The following IRAG1 variants were observed in gnomAD, a reference collection of about 807,000 sequenced individuals.
IRAG1 encodes inositol 1,4,5-triphosphate receptor associated 1, also known as IP3R-associated cGMP kinase substrate.
Under a neutral mutation model 106.2 loss-of-function variants are expected in IRAG1, and 62 were observed. The ratio of observed to expected loss-of-function variants is 0.58; its 90% CI spans 0.48 to 0.72. The LOEUF (loss-of-function observed/expected upper bound fraction) is 0.72, where lower values mean the gene tolerates loss of function less well. IRAG1 is among the 30% of genes least tolerant of loss of function. The pLI, the probability that IRAG1 is intolerant of heterozygous loss-of-function variation, is 0.00. For missense variants in IRAG1, 1,064 were observed against 1,140.7 expected (o/e 0.93, Z 0.97); for synonymous variants, 462 against 443.9 (o/e 1.04, Z -0.51).
At chr11:10,669,420 G>A (rs1860041694) in intron 1 of IRAG1, among the ~76,000 whole-genome samples, 1 of 152,212 alleles carries the variant, frequency 6.6e-6, no homozygotes. Context: ...ACAGTGGCCT[G>A]GCAACAGGCA....
chr11:10,589,240 GA>G (rs1301441285), intron 18 of IRAG1: 1 of 152,130 alleles, frequency 6.6e-6, no homozygotes, highest in Non-Finnish European at 1.5e-5. Context: ...ACACAAAGCT[GA>G]ATACAACAGT....
intron 18 of IRAG1, among the ~76,000 whole-genome samples, chr11:10,582,611 G>A (rs955669283): frequency 2.0e-5 from 3 of 152,226 alleles, no homozygotes; most frequent in Non-Finnish European, 4.4e-5. Flanking sequence ...CCTCTCTGAG[G>A]TGCTGAAGTT....
At chr11:10,623,511 C>T (rs954324402) in intron 10 of IRAG1, among the ~76,000 whole-genome samples, 1 of 152,154 alleles carries the variant, frequency 6.6e-6, no homozygotes, top group African/African-American at 2.4e-5. Context: ...AAGGAAGTGT[C>T]AAAAGTTCAG....
chr11:10,662,552 C>A (rs1564933755), intron 1 of IRAG1, among the ~76,000 whole-genome samples: 1 of 152,232 alleles, frequency 6.6e-6, no homozygotes, highest in African/African-American at 2.4e-5. Flanking sequence ...CTAGCTTTAA[C>A]CTAAGCCTAA....
chr11:10,598,578 A>C (rs770229481), intron 15 of IRAG1, among the ~76,000 whole-genome samples: 1 of 152,224 alleles, frequency 6.6e-6, no homozygotes, highest in Non-Finnish European at 1.5e-5. Flanking sequence ...ACAATAAGAC[A>C]AGACACAATT....
At position 10,652,060 on chromosome 11, in the gene IRAG1, CG is replaced by C; in HGVS notation, c.189del (p.Gly64GlufsTer29). 1 of 1,591,692 alleles carries C rather than the reference CG, an allele frequency of 6.3e-7. No homozygotes were observed. The highest frequency in any genetic ancestry group is 8.5e-7 in the Non-Finnish European group (1 of 1,170,004). ...MPHIPEDEEP[P>X]GEPQAAQSPA... The stretch of plus-strand genomic sequence containing the variant: ...GGGCTCTGGGCTGCCTGTGGCTCTC[CG>C]GGGGGCTCCTCGTCCTCGGGAATGT... On this transcript the variant is annotated frameshift_variant, in exon 2 of 21. Coordinates refer to ENST00000423302, the MANE Select transcript of IRAG1 (RefSeq NM_130385.4). LOFTEE classifies it high-confidence loss of function.
At chr11:10,654,532 C>T (rs971004135) in intron 1 of IRAG1, among the ~76,000 whole-genome samples, 1 of 152,150 alleles carries the variant, frequency 6.6e-6, no homozygotes, top group Admixed American at 6.5e-5. Flanking sequence ...TCTTTCACTG[C>T]CAAAATTTTA....
Position 10,633,983 on chromosome 11 carries a change from T to C in IRAG1, c.314A>G (p.Lys105Arg), listed in dbSNP as rs1299802924. The change falls in exon 3 of 21, where the codon AAA becomes AGA. Residue 105 changes from lysine (K) to arginine (R), a missense_variant. Physicochemically the swap from Lys to Arg is conservative, Grantham distance 26. Transcript: ENST00000423302. ...GCACCTGTACCTGTTGGCCAGGTTT[T>C]TGTCGGTTTCTCCTTCTGGTGAAGT... ...DATSPEGETD[K>R]NLANRVHSPH... 32 of 1,611,640 alleles carry C rather than the reference T, an allele frequency of 2.0e-5. No homozygotes were observed. The highest frequency in any genetic ancestry group is 2.6e-5 in the Non-Finnish European group (31 of 1,178,464).
At chr11:10,672,293 A>G (rs1860297099) in intron 1 of IRAG1, among the ~76,000 whole-genome samples, 1 of 152,242 alleles carries the variant, frequency 6.6e-6, no homozygotes, top group African/African-American at 2.4e-5. Flanking sequence ...ATGCCTTCTT[A>G]GATACAACAC....
chr11:10,595,276 C>G (rs759008160), intron 15 of IRAG1, among the ~76,000 whole-genome samples: 1 of 152,092 alleles, frequency 6.6e-6, no homozygotes, highest in Non-Finnish European at 1.5e-5. Context: ...TAGATTTATA[C>G]TAGTTATAGT....
At chr11:10,641,334 C>T (rs1035393637) in intron 2 of IRAG1, among the ~76,000 whole-genome samples, 1 of 152,204 alleles carries the variant, frequency 6.6e-6, no homozygotes, top group Non-Finnish European at 1.5e-5. Flanking sequence ...GATGGTTGCT[C>T]TTAGTTCTGG....
intron 1 of IRAG1, among the ~76,000 whole-genome samples, chr11:10,679,313 C>T (rs1372754421): frequency 1.3e-5 from 2 of 151,588 alleles, no homozygotes; most frequent in African/African-American, 4.8e-5. Context: ...ACACTTTCAT[C>T]ATCCCAAATG....
At chr11:10,674,400 G>A (rs373853876) in intron 1 of IRAG1, among the ~76,000 whole-genome samples, 92 of 152,230 alleles carry the variant, frequency 6.0e-4, no homozygotes, top group African/African-American at 2.1e-3. Context: ...GGCACAAATG[G>A]GGGTGACACC....
chr11:10,576,632 A>G, intron 20 of IRAG1, 57 bp from the exon 21 acceptor site: 2 of 1,597,100 alleles, frequency 1.3e-6, no homozygotes, highest in Non-Finnish European at 1.7e-6. Context: ...CATATGATAC[A>G]CAGACCCACA....
At position 10,626,171 on chromosome 11, in the gene IRAG1, G is replaced by A. The variant is rs368554401; in HGVS notation, c.1163C>T (p.Pro388Leu). The change falls in exon 9 of 21, where the codon CCG (proline) becomes CTG (leucine). Residue 388 changes from proline to leucine, a missense_variant. By Grantham distance (98) the Pro-to-Leu change is moderately conservative (BLOSUM62 -3). Transcript: ENST00000423302. ...GTCCCAGGAGAGCCCTCGCAGCAGC[G>A]GGGGCCGGGACACAGTGGGTGGAAG... ...AELPPTVSRP[P>L]LLRGLSWDSG... 493 of 1,542,574 alleles carry A rather than the reference G, an allele frequency of 3.2e-4. 6 individuals carry two copies. In the South Asian group the frequency reaches 4.8e-3, roughly 15 times the overall value.
intron 12 of IRAG1, among the ~76,000 whole-genome samples, chr11:10,605,419 G>C (rs1854395508): frequency 1.3e-5 from 2 of 152,114 alleles, no homozygotes; most frequent in Non-Finnish European, 2.9e-5. Context: ...ACCCAATGAT[G>C]ATGATGAAGG....
Position 10,652,068 on chromosome 11 carries a change from T to G in IRAG1, c.182A>C (p.Glu61Ala), listed in dbSNP as rs1858564248. ...GGCTGCCTGTGGCTCTCCGGGGGGC[T>G]CCTCGTCCTCGGGAATGTGGGGCAT... is the stretch of plus-strand genomic sequence containing the variant. Reference protein sequence around the residue: ...AAMPHIPEDEEPPGEPQAAQS... With the variant: ...AAMPHIPEDEAPPGEPQAAQS... Residue 61 changes from glutamate (E) to alanine (A), a missense_variant, in exon 2 of 21, where the codon GAG (glutamate) becomes GCG (alanine). Glu to Ala is a moderately radical substitution (Grantham distance 107). Coordinates refer to ENST00000423302, the MANE Select transcript of IRAG1 (RefSeq NM_130385.4). 6.3e-6 allele frequency: 10 copies of G among 1,596,934 alleles called. No individual in the cohort carries two copies. The highest frequency in any genetic ancestry group is 8.5e-6 in the Non-Finnish European group (10 of 1,172,440).
At chr11:10,605,042 A>G (rs1217726635) in intron 12 of IRAG1, among the ~76,000 whole-genome samples, 2 of 152,234 alleles carry the variant, frequency 1.3e-5, no homozygotes, top group African/African-American at 4.8e-5. Context: ...CAAATCCTGT[A>G]TTGATAGAAG....
chr11:10,633,349 A>G (rs894692012), intron 3 of IRAG1, among the ~76,000 whole-genome samples: 1 of 152,156 alleles, frequency 6.6e-6, no homozygotes, highest in Non-Finnish European at 1.5e-5. Context: ...TGCTAGGATT[A>G]CAGGCATGAG....
Sources: allele counts gnomAD v4.1 joint callset (sites outside exome capture counted in the v4.1 genomes callset), GRCh38; gene constraint gnomAD v4.1.1; transcripts MANE v1.5; gene names NCBI Gene and HGNC (gene_info 2026-07-23, HGNC 2026-07-21).